The following THADA variants were observed in gnomAD, a reference collection of about 807,000 sequenced individuals.
The protein encoded by THADA is tRNA (32-2'-O)-methyltransferase regulator THADA.
In THADA, 213 loss-of-function variants were observed where a neutral mutation model predicts 219.8. The ratio of observed to expected loss-of-function variants is 0.97; its 90% confidence interval spans 0.87 to 1.09. THADA has a LOEUF of 1.09. Ranked by LOEUF, THADA falls within the 50% of genes least tolerant of loss-of-function variation. THADA has a pLI of 0.00. For synonymous variants in THADA, 1,018 were observed against 828.9 expected, an observed-to-expected ratio of 1.23 and a Z score of -3.92; for missense variants, 2,956 against 2,311.3, an observed-to-expected ratio of 1.28 and a Z score of -5.72.
At chr2:43,413,356 G>C (rs1435243558) in intron 28 of THADA, among the ~76,000 whole-genome samples, 2 of 152,136 alleles carry the variant, frequency 1.3e-5, no homozygotes, top group Admixed American at 6.6e-5. Flanking sequence ...GTGAGGCTAA[G>C]AGGGCTGGCT....
intron 26 of THADA, among the ~76,000 whole-genome samples, chr2:43,453,944 G>C (rs548824076): frequency 1.3e-5 from 2 of 152,272 alleles, no homozygotes; most frequent in Admixed American, 6.5e-5. Context: ...ACCCAGGCTG[G>C]AGTGCAGTAA....
At chr2:43,520,955 A>AGAAGGAAGGGAG (rs1692357253) in intron 22 of THADA, among the ~76,000 whole-genome samples, 1 of 104,846 alleles carries the variant, frequency 9.5e-6, no homozygotes, top group Non-Finnish European at 1.9e-5. Context: ...GAGGGAGGGA[A>AGAAGGAAGGGAG]GAAGGAAGGG....
At chr2:43,574,152 C>T (rs1375209382) in intron 11 of THADA, among the ~76,000 whole-genome samples, 184 bp downstream of exon 11, 4 of 152,046 alleles carry the variant, frequency 2.6e-5, no homozygotes, top group Admixed American at 1.3e-4. Flanking sequence ...ATGACTTCAG[C>T]CAAAAAACTC....
intron 31 of THADA, among the ~76,000 whole-genome samples, chr2:43,298,594 TA>T (rs1021768541): frequency 5.5e-5 from 7 of 128,156 alleles, no homozygotes; most frequent in Non-Finnish European, 8.4e-5. Flanking sequence ...GAATTATCAA[TA>T]AAAAAAAAAT....
chr2:43,443,082 C>T (rs1032272329), intron 26 of THADA, among the ~76,000 whole-genome samples: 1 of 152,156 alleles, frequency 6.6e-6, no homozygotes, highest in East Asian at 1.9e-4. Context: ...CATGAAACTT[C>T]CTGTTTTCTT....
chr2:43,417,789 C>G (rs991750291), intron 28 of THADA, among the ~76,000 whole-genome samples: 4 of 152,158 alleles, frequency 2.6e-5, no homozygotes, highest in Admixed American at 2.6e-4. Flanking sequence ...TGTTTGGGTT[C>G]AAATTCACGC....
chr2:43,370,592 G>A (rs1285131481), intron 29 of THADA, among the ~76,000 whole-genome samples: 3 of 152,092 alleles, frequency 2.0e-5, no homozygotes, highest in Non-Finnish European at 4.4e-5. Flanking sequence ...TAAAACAGTG[G>A]AAGATCATCA....
chr2:43,418,803 C>A (rs1053071513), intron 28 of THADA, among the ~76,000 whole-genome samples: 1 of 152,014 alleles, frequency 6.6e-6, no homozygotes, highest in Non-Finnish European at 1.5e-5. Context: ...AAATAACGGC[C>A]AGAGAAGCCA....
At chr2:43,528,113 A>C in intron 21 of THADA, 125 bp from the exon 22 acceptor site, 1 of 455,886 alleles carries the variant, frequency 2.2e-6, no homozygotes, top group Non-Finnish European at 3.8e-6. Flanking sequence ...CATATGACAG[A>C]ACATGTTTTA....
intron 22 of THADA, among the ~76,000 whole-genome samples, chr2:43,515,013 T>A (rs1486180931): frequency 2.5e-4 from 14 of 56,182 alleles, no homozygotes; most frequent in East Asian, 1.2e-3. Flanking sequence ...TTATATATAT[T>A]ATATATTTTA....
intron 10 of THADA, among the ~76,000 whole-genome samples, chr2:43,575,610 C>G (rs556621476): frequency 1.1e-4 from 17 of 152,206 alleles, no homozygotes; most frequent in African/African-American, 4.1e-4. Flanking sequence ...GATCTCGGCT[C>G]ACTGCAACCC....
chr2:43,509,036 C>T (rs187147124), intron 22 of THADA, among the ~76,000 whole-genome samples: 2 of 152,244 alleles, frequency 1.3e-5, no homozygotes, highest in East Asian at 3.9e-4. Context: ...CATGGGTTTG[C>T]ATCCACACTC....
chr2:43,287,498 T>C (rs758602541), intron 34 of THADA, among the ~76,000 whole-genome samples: 4 of 152,190 alleles, frequency 2.6e-5, no homozygotes, highest in African/African-American at 7.2e-5. Context: ...GGTTTCGCCA[T>C]GTTGGTCAGG....
At chr2:43,535,675 C>CAAAAAAAAAAAAAAAAAAAA (rs1177702416) in intron 21 of THADA, among the ~76,000 whole-genome samples, 1 of 30,354 alleles carries the variant, frequency 3.3e-5, no homozygotes, top group Non-Finnish European at 6.1e-5. Flanking sequence ...CAGCGAGACT[C>CAAAAAAAAAAAAAAAAAAAA]AAAAAAAAAA....
chr2:43,360,656 G>C (rs1400460710), intron 29 of THADA, among the ~76,000 whole-genome samples: 7 of 152,198 alleles, frequency 4.6e-5, no homozygotes, highest in Non-Finnish European at 8.8e-5. Flanking sequence ...TGAGTCGATA[G>C]CTGAATGAAA....
chr2:43,578,344 G>C (rs1423524282), intron 9 of THADA, among the ~76,000 whole-genome samples, 169 bp downstream of exon 9: 3 of 149,854 alleles, frequency 2.0e-5, no homozygotes, highest in African/African-American at 7.4e-5. Flanking sequence ...ACAAGGTCTA[G>C]CTAAACTCCC....
intron 33 of THADA, 31 bp from the exon 34 acceptor site, chr2:43,291,799 C>T: frequency 1.3e-6 from 2 of 1,517,592 alleles, no homozygotes; most frequent in Middle Eastern, 1.7e-4. Context: ...AAAAACAACA[C>T]AAAATTACAA....
In THADA at chr2:43,581,936, GAAGAA is replaced by G. The variant is rs746972705; in HGVS notation, c.534-13_534-9del. On this transcript the variant is annotated splice_polypyrimidine_tract_variant and intron_variant, in intron 7 of 37. Coordinates refer to ENST00000405975, the MANE Select transcript of THADA (RefSeq NM_022065.5). The stretch of plus-strand genomic sequence containing the variant: ...TGATTTCCAGCACATTTTCTATAAA[GAAGAA>G]AAGACATTATTACAAAAGGAAATTC... 1.1e-5 allele frequency: 16 copies of G among 1,513,852 alleles called. No individual in the cohort carries two copies. Among genetic ancestry groups the G allele is most frequent in the Non-Finnish European group, 1.3e-5 (15 of 1,136,732 alleles). 93.8% of individuals were successfully genotyped at this position (1,513,852 alleles called of 1,614,324 possible).
At chr2:43,381,836 C>A (rs1202100889) in intron 29 of THADA, among the ~76,000 whole-genome samples, 1 of 152,084 alleles carries the variant, frequency 6.6e-6, no homozygotes. Context: ...CTGCCTGCCT[C>A]GGCCTCCCAA....
Sources: allele counts gnomAD v4.1 joint callset (sites outside exome capture counted in the v4.1 genomes callset), GRCh38; gene constraint gnomAD v4.1.1; transcripts MANE v1.5; gene names NCBI Gene and HGNC (gene_info 2026-07-23, HGNC 2026-07-21).